The following SNTG2 variants were observed in gnomAD, a reference collection of about 807,000 sequenced individuals.
The protein encoded by SNTG2 is syntrophin gamma 2, also known as gamma-2-syntrophin.
In SNTG2, 74 loss-of-function variants were observed where a neutral mutation model predicts 70.9. The ratio of observed to expected loss-of-function variants is 1.04; its 90% CI spans 0.86 to 1.27. The LOEUF (loss-of-function observed/expected upper bound fraction) is 1.27. SNTG2 is among the 50% of genes most tolerant of loss of function. The probability of loss-of-function intolerance (pLI) is 0.00; values close to 1 mark genes in which losing one functional copy is unlikely to be tolerated. For synonymous variants in SNTG2, 278 were observed against 273.8 expected (o/e 1.02, Z -0.15); for missense variants, 717 against 690.7 (o/e 1.04, Z -0.43).
intron 6 of SNTG2, among the ~76,000 whole-genome samples, chr2:1,148,378 C>T (rs1275406844): frequency 6.6e-6 from 1 of 152,180 alleles, no homozygotes; most frequent in Admixed American, 6.5e-5. Flanking sequence ...GCGACATCAC[C>T]TCGTGTTCCC....
chr2:1,019,050 G>T (rs546976642), intron 1 of SNTG2, among the ~76,000 whole-genome samples: 96 of 152,330 alleles, frequency 6.3e-4, no homozygotes, highest in African/African-American at 2.1e-3. Context: ...GAAGGACCTG[G>T]CATCAGCTCT....
At chr2:1,159,137 T>C (rs1670103376) in intron 6 of SNTG2, among the ~76,000 whole-genome samples, 1 of 52,230 alleles carries the variant, frequency 1.9e-5, no homozygotes, top group Admixed American at 1.5e-4. Context: ...TGCATGGGTG[T>C]GCATATGTGG....
chr2:1,081,361 G>A (rs6548184), intron 1 of SNTG2, among the ~76,000 whole-genome samples: 123,019 of 152,216 alleles, frequency 0.81, 49,820 homozygotes, highest in Admixed American at 0.89. Context: ...GGGCACCTAC[G>A]TTTCATCCTG....
intron 1 of SNTG2, among the ~76,000 whole-genome samples, chr2:1,061,884 T>C (rs1662846903): frequency 6.6e-6 from 1 of 152,214 alleles, no homozygotes; most frequent in East Asian, 1.9e-4. Context: ...GGATATTACT[T>C]GGTAGTATTT....
At chr2:1,081,609 G>A (rs1664300769) in intron 1 of SNTG2, among the ~76,000 whole-genome samples, 1 of 152,230 alleles carries the variant, frequency 6.6e-6, no homozygotes, top group African/African-American at 2.4e-5. Context: ...GACATAGCCA[G>A]GGCCTCCTTC....
intron 12 of SNTG2, among the ~76,000 whole-genome samples, chr2:1,250,375 C>T (rs945221448): frequency 6.6e-6 from 1 of 152,182 alleles, no homozygotes; most frequent in African/African-American, 2.4e-5. Flanking sequence ...CTCTCCCTGT[C>T]TCTCTGTCTC....
intron 1 of SNTG2, among the ~76,000 whole-genome samples, chr2:987,518 G>A (rs1172580075): frequency 2.0e-5 from 3 of 151,968 alleles, no homozygotes; most frequent in South Asian, 2.1e-4. Flanking sequence ...GGAGAGGTTC[G>A]CGGTTAAGTG....
At chr2:1,002,473 A>G (rs1242474966) in intron 1 of SNTG2, among the ~76,000 whole-genome samples, 4 of 152,150 alleles carry the variant, frequency 2.6e-5, no homozygotes, top group African/African-American at 7.2e-5. Flanking sequence ...TCAAAAGACA[A>G]ACAAATGGTT....
At chr2:1,155,178 C>A (rs111206406) in intron 6 of SNTG2, among the ~76,000 whole-genome samples, 129,221 of 150,330 alleles carry the variant, frequency 0.86, 55,938 homozygotes, top group Middle Eastern at 0.94. Flanking sequence ...GACCCCCCCC[C>A]CACACACATA....
At chr2:1,255,895 A>AATATATATATAAATATAT (rs1678069750) in intron 12 of SNTG2, among the ~76,000 whole-genome samples, 1 of 63,890 alleles carries the variant, frequency 1.6e-5, no homozygotes, top group Non-Finnish European at 3.0e-5. Context: ...AATATATATA[A>AATATATATATAAATATAT]ATATATATAT....
At chr2:1,285,094 C>T (rs917183240) in intron 14 of SNTG2, among the ~76,000 whole-genome samples, 1 of 152,012 alleles carries the variant, frequency 6.6e-6, no homozygotes, top group African/African-American at 2.4e-5. Context: ...AGCATGAAGT[C>T]CCATGTTCAA....
intron 9 of SNTG2, among the ~76,000 whole-genome samples, chr2:1,235,433 C>T (rs1407006459): frequency 6.4e-5 from 8 of 124,054 alleles, no homozygotes; most frequent in East Asian, 2.4e-4. Context: ...ACCCCCGATT[C>T]ATGAGAGGGG....
At chr2:1,018,492 C>T (rs1173193264) in intron 1 of SNTG2, among the ~76,000 whole-genome samples, 5 of 151,930 alleles carry the variant, frequency 3.3e-5, no homozygotes, top group African/African-American at 1.2e-4. Flanking sequence ...TGCCCACAGC[C>T]GACTGGGTAG....
intron 1 of SNTG2, among the ~76,000 whole-genome samples, chr2:1,012,490 G>A (rs1453084643): frequency 3.3e-5 from 5 of 152,200 alleles, no homozygotes; most frequent in Admixed American, 6.5e-5. Flanking sequence ...CGACTTGGGG[G>A]GTCTGGAGAG....
At chr2:1,365,465 A>G (rs941422288) in intron 16 of SNTG2, among the ~76,000 whole-genome samples, 1 of 152,346 alleles carries the variant, frequency 6.6e-6, no homozygotes, top group Non-Finnish European at 1.5e-5. Flanking sequence ...GGTTGCAGTC[A>G]CTAGGAGGTT....
At chr2:1,262,605 A>AAAGCCTCAGTCCAGACGTAGTAACCGG (rs1262408091) in intron 13 of SNTG2, among the ~76,000 whole-genome samples, 1 of 134,898 alleles carries the variant, frequency 7.4e-6, no homozygotes, top group African/African-American at 2.6e-5. Context: ...GAGGAAACCC[A>AAAGCCTCAGTCCAGACGTAGTAACCGG]AAGGCTCAGT....
intron 1 of SNTG2, among the ~76,000 whole-genome samples, chr2:1,012,515 A>G (rs868676200): frequency 3.9e-4 from 60 of 151,998 alleles, no homozygotes; most frequent in Admixed American, 8.5e-4. Context: ...TTATTCATAA[A>G]GGCAGAGAGA....
chr2:1,249,036 G>T (rs559763500), intron 12 of SNTG2, among the ~76,000 whole-genome samples: 1 of 152,138 alleles, frequency 6.6e-6, no homozygotes, highest in South Asian at 2.1e-4. Context: ...AGCAAGGCCC[G>T]GCTGGTAAAC....
At chr2:1,281,555 G>A (rs1186995525) in intron 14 of SNTG2, among the ~76,000 whole-genome samples, 1 of 123,680 alleles carries the variant, frequency 8.1e-6, no homozygotes. Context: ...TGTATGTGGT[G>A]TGTGTGTGCA....
Sources: allele counts gnomAD v4.1 joint callset (sites outside exome capture counted in the v4.1 genomes callset), GRCh38; gene constraint gnomAD v4.1.1; transcripts MANE v1.5; gene names NCBI Gene and HGNC (gene_info 2026-07-23, HGNC 2026-07-21).